Variants in TACR1 observed in about 807,000 individuals in gnomAD.
The protein encoded by TACR1 is tachykinin receptor 1.
A neutral mutation model predicts 35.8 loss-of-function variants in TACR1; 25 were observed. The observed-to-expected ratio is 0.70, with a 90% CI of 0.51 to 0.98. The LOEUF (loss-of-function observed/expected upper bound fraction) is 0.98. Among genes scored for constraint, TACR1 ranks in the 50% least tolerant of loss-of-function variants. The probability of loss-of-function intolerance (pLI) is 0.00; values close to 1 mark genes in which losing one functional copy is unlikely to be tolerated. For missense variants in TACR1, 478 were observed against 522.9 expected, an observed-to-expected ratio of 0.91 and a Z score of 0.84; for synonymous variants, 195 against 206.7, an observed-to-expected ratio of 0.94 and a Z score of 0.48.
chr2:75,114,460 C>T (rs4852360), intron 2 of TACR1, among the ~76,000 whole-genome samples: 106,587 of 152,094 alleles, frequency 0.7, 38,182 homozygotes, highest in African/African-American at 0.85. Context: ...GCTCATTCAT[C>T]TTCCTTGTCC....
At chr2:75,138,265 T>A (rs1572951563) in intron 1 of TACR1, among the ~76,000 whole-genome samples, 1 of 152,186 alleles carries the variant, frequency 6.6e-6, no homozygotes, top group African/African-American at 2.4e-5. Context: ...AGTCACAGAT[T>A]TTAGCATTGC....
At chr2:75,071,123 G>T (rs1420512230) in intron 2 of TACR1, among the ~76,000 whole-genome samples, 1 of 152,202 alleles carries the variant, frequency 6.6e-6, no homozygotes, top group Non-Finnish European at 1.5e-5. Context: ...GAGTGGAGTA[G>T]CTGTGGAAGA....
At chr2:75,107,280 A>C (rs182893036) in intron 2 of TACR1, among the ~76,000 whole-genome samples, 2 of 152,144 alleles carry the variant, frequency 1.3e-5, no homozygotes, top group East Asian at 1.9e-4. Context: ...TTACAATGAA[A>C]GATTTTAAGG....
chr2:75,184,583 T>C (rs1675642230), intron 1 of TACR1, among the ~76,000 whole-genome samples: 2 of 151,798 alleles, frequency 1.3e-5, no homozygotes, highest in Non-Finnish European at 2.9e-5. Context: ...CTTATTAAGA[T>C]AGCTGGTTTC....
At chr2:75,126,147 C>T (rs1674067038) in intron 1 of TACR1, among the ~76,000 whole-genome samples, 2 of 152,088 alleles carry the variant, frequency 1.3e-5, no homozygotes, top group South Asian at 4.1e-4. Context: ...CATTTAGTTC[C>T]CACTTATAAG....
At chr2:75,145,873 T>G (rs1441981969) in intron 1 of TACR1, among the ~76,000 whole-genome samples, 1 of 152,168 alleles carries the variant, frequency 6.6e-6, no homozygotes, top group Non-Finnish European at 1.5e-5. Context: ...GATATATATT[T>G]TGAATTCCGT....
chr2:75,124,060 T>C (rs1223602152), intron 1 of TACR1, among the ~76,000 whole-genome samples: 3 of 152,184 alleles, frequency 2.0e-5, no homozygotes, highest in Admixed American at 2.0e-4. Context: ...CATTAATCAT[T>C]AGGCTGCCAG....
At chr2:75,151,925 A>G (rs1385324654) in intron 1 of TACR1, among the ~76,000 whole-genome samples, 1 of 152,166 alleles carries the variant, frequency 6.6e-6, no homozygotes, top group African/African-American at 2.4e-5. Flanking sequence ...GTCAAAGGAG[A>G]TCATTCTGGA....
chr2:75,170,962 A>G (rs1675264114), intron 1 of TACR1, among the ~76,000 whole-genome samples: 1 of 152,160 alleles, frequency 6.6e-6, no homozygotes. Flanking sequence ...AAATTCAGAA[A>G]ATTTGCAGCC....
At chr2:75,116,150 G>A (rs1572939364) in intron 2 of TACR1, among the ~76,000 whole-genome samples, 1 of 152,040 alleles carries the variant, frequency 6.6e-6, no homozygotes, top group East Asian at 1.9e-4. Context: ...TGTCACCCAG[G>A]CTGGAGTGCA....
chr2:75,072,373 G>A (rs1043030595), intron 2 of TACR1, among the ~76,000 whole-genome samples: 12 of 152,162 alleles, frequency 7.9e-5, no homozygotes, highest in African/African-American at 2.9e-4. Flanking sequence ...TAATCAATAT[G>A]GCCACAACTA....
At chr2:75,098,055 C>G (rs557846595) in intron 2 of TACR1, among the ~76,000 whole-genome samples, 1 of 152,264 alleles carries the variant, frequency 6.6e-6, no homozygotes, top group African/African-American at 2.4e-5. Context: ...CTGAATATGC[C>G]ACACATTCTG....
At chr2:75,129,695 C>A (rs1019713718) in intron 1 of TACR1, among the ~76,000 whole-genome samples, 1 of 152,162 alleles carries the variant, frequency 6.6e-6, no homozygotes, top group East Asian at 1.9e-4. Context: ...CTGGATCATC[C>A]ATTCCATTGG....
chr2:75,172,723 A>G (rs1162220438), intron 1 of TACR1, among the ~76,000 whole-genome samples: 7 of 152,216 alleles, frequency 4.6e-5, no homozygotes, highest in Non-Finnish European at 1.0e-4. Context: ...TATTAACAGC[A>G]GAAAGTACTT....
At chr2:75,067,464 G>C (rs1672786445) in intron 2 of TACR1, among the ~76,000 whole-genome samples, 1 of 152,136 alleles carries the variant, frequency 6.6e-6, no homozygotes, top group South Asian at 2.1e-4. Context: ...TAGGTGCTGA[G>C]GATATAATGG....
intron 3 of TACR1, among the ~76,000 whole-genome samples, chr2:75,052,466 C>T (rs1672487788): frequency 6.6e-6 from 1 of 152,018 alleles, no homozygotes; most frequent in Non-Finnish European, 1.5e-5. Flanking sequence ...TAACCCCTTC[C>T]CAAGGCATCT....
chr2:75,130,505 T>C (rs1674157174), intron 1 of TACR1, among the ~76,000 whole-genome samples: 1 of 152,268 alleles, frequency 6.6e-6, no homozygotes, highest in African/African-American at 2.4e-5. Flanking sequence ...TGCTTTTTCT[T>C]GTATAGTGTA....
At chr2:75,137,756 A>AAG (rs1674328379) in intron 1 of TACR1, among the ~76,000 whole-genome samples, 3 of 140,550 alleles carry the variant, frequency 2.1e-5, no homozygotes, top group African/African-American at 8.0e-5. Context: ...AAAAAAAAAA[A>AAG]GAAAAAATAA....
intron 2 of TACR1, among the ~76,000 whole-genome samples, chr2:75,063,131 A>T (rs1672701499): frequency 6.6e-6 from 1 of 152,170 alleles, no homozygotes; most frequent in Non-Finnish European, 1.5e-5. Context: ...CATGGGAAAG[A>T]CCTGCTCCCA....
Sources: gnomAD v4.1 joint callset for allele counts (sites outside exome capture counted in the v4.1 genomes callset) on GRCh38, gnomAD v4.1.1 for gene constraint, MANE v1.5 for transcripts, NCBI Gene and HGNC (gene_info 2026-07-23, HGNC 2026-07-21) for gene names.